KIF19: variants seen among roughly 807,000 people sequenced by gnomAD.
The protein encoded by KIF19 is kinesin-like protein KIF19.
KIF19 carries 98 observed loss-of-function variants against 106.6 expected under a neutral mutation model. The ratio of observed to expected loss-of-function variants is 0.92; its 90% confidence interval spans 0.78 to 1.09. KIF19 has a LOEUF of 1.09. KIF19 is among the 50% of genes least tolerant of loss of function. The pLI, the probability that KIF19 is intolerant of heterozygous loss-of-function variation, is 0.00. For missense variants in KIF19, 1,373 were observed against 1,414.3 expected (o/e 0.97, Z 0.47); for synonymous variants, 516 against 584.2 (o/e 0.88, Z 1.68).
intron 1 of KIF19, 70 bp downstream of exon 1, chr17:74,326,458 G>A (rs1345638960): frequency 1.3e-6 from 2 of 1,484,194 alleles, no homozygotes; most frequent in Non-Finnish European, 1.9e-6. Context: ...CAGCGACAGA[G>A]TCCTGTCCCC....
intron 2 of KIF19, among the ~76,000 whole-genome samples, chr17:74,330,262 G>T (rs1697735021): frequency 6.6e-6 from 1 of 152,198 alleles, no homozygotes; most frequent in East Asian, 1.9e-4. Context: ...CAGCCTGGGG[G>T]GTTGCTTCCA....
chr17:74,345,181 G>A (rs929745582), intron 7 of KIF19, among the ~76,000 whole-genome samples: 1 of 152,100 alleles, frequency 6.6e-6, no homozygotes, highest in African/African-American at 2.4e-5. Context: ...AAGGAAGTGA[G>A]GAACGTTCCA....
intron 16 of KIF19, 33 bp from the exon 17 acceptor site, chr17:74,353,461 G>A (rs2054778950): frequency 6.3e-7 from 1 of 1,598,844 alleles, no homozygotes; most frequent in Admixed American, 1.7e-5. Flanking sequence ...CTGTGTTTAA[G>A]GGTTTCCTCC....
At chr17:74,333,347 A>C (rs2144208570) in intron 2 of KIF19, among the ~76,000 whole-genome samples, 1 of 150,552 alleles carries the variant, frequency 6.6e-6, no homozygotes, top group African/African-American at 2.5e-5. Flanking sequence ...GGAATCATGC[A>C]GTATGTGGTC....
chr17:74,336,549 G>T (rs1385924259), intron 2 of KIF19, among the ~76,000 whole-genome samples: 1 of 152,048 alleles, frequency 6.6e-6, no homozygotes. Context: ...TCCAAATAAG[G>T]TCACATTCTA....
chr17:74,341,963 G>GACTTCA lies in KIF19; in HGVS notation c.208_209insACTTCA (p.Ala70delinsAspPheThr), dbSNP rs772339137. 10 of 1,613,214 alleles carry GACTTCA rather than the reference G, an allele frequency of 6.2e-6. No homozygotes were observed. The highest frequency in any genetic ancestry group is 8.5e-6 in the Non-Finnish European group (10 of 1,179,770). On this transcript the variant is annotated protein_altering_variant, in exon 3 of 20. Transcript: ENST00000389916. ...GGAGAAGTCCTACCTGTTCGACGTGGCCTTTGACTTCACCGCCACCCAGGT... is the reference window on the plus strand; with the variant it reads ...GGAGAAGTCCTACCTGTTCGACGTGGACTTCACCTTTGACTTCACCGCCACCCAGGT...
chr17:74,342,549 T>A, intron 3 of KIF19, 81 bp from the exon 4 acceptor site: 1 of 1,068,404 alleles, frequency 9.4e-7, no homozygotes, highest in East Asian at 2.4e-5. Flanking sequence ...ACCTCTCCTA[T>A]CAGAGGTCAG....
chr17:74,355,575 T>A lies in KIF19; in HGVS notation c.*263T>A. On this transcript the variant is annotated 3_prime_UTR_variant, in exon 20 of 20. Coordinates refer to ENST00000389916, the MANE Select transcript of KIF19 (RefSeq NM_153209.4). The stretch of plus-strand genomic sequence containing the variant: ...TTCCCAGCCCTGGACAGAATGCTGT[T>A]GCCAAAACCTGCACAGCCCTGAGGC... 2.6e-6 allele frequency: 1 copy of A among 379,756 alleles called. No homozygotes were observed. The highest frequency in any genetic ancestry group is 4.6e-6 in the Non-Finnish European group (1 of 215,518). The allele number at this position is 379,756 out of a possible 1,614,324, so 23.5% of individuals were successfully genotyped here.
chr17:74,332,739 T>C (rs1246901869), intron 2 of KIF19, among the ~76,000 whole-genome samples: 1 of 152,072 alleles, frequency 6.6e-6, no homozygotes. Context: ...ACAGCGTGAC[T>C]CCTGGGATGG....
At position 74,328,477 on chromosome 17, in the gene KIF19, C is replaced by T. The variant is rs756106187; in HGVS notation, c.92C>T (p.Thr31Ile). 1.3e-5 allele frequency: 21 copies of T among 1,609,678 alleles called. No homozygotes were observed. The East Asian group carries it at 4.5e-4, about 34-fold the overall frequency. The change falls in exon 2 of 20, where the codon ACC becomes ATC. Residue 31 changes from threonine (T) to isoleucine (I), a missense_variant. Thr to Ile is a moderately conservative substitution (Grantham distance 89, BLOSUM62 -1). Transcript: ENST00000389916. ...GTGGCAGAGCTGGAGGAAGGAGCTA[C>T]CCTCATCGCCCATAAAGTGGATGAG... Reference protein sequence around the residue: ...ISVAELEEGATLIAHKVDEQM... With the variant: ...ISVAELEEGAILIAHKVDEQM...
intron 15 of KIF19, 63 bp from the exon 16 acceptor site, chr17:74,353,133 G>T: frequency 1.4e-6 from 2 of 1,455,434 alleles, no homozygotes; most frequent in Admixed American, 2.0e-5. Context: ...CCCCTGGGGT[G>T]GGGGTGGGAC....
rs1186907696 is a variant in KIF19 at position 74,352,034 on chromosome 17, C to T, written c.1755C>T (p.Leu585=). The T allele has an allele frequency of 6.4e-7, 1 of 1,571,678 alleles. No individual in the cohort carries two copies. The highest frequency in any genetic ancestry group is 1.4e-5 in the African/African-American group (1 of 73,736). Residue 585 remains leucine (L), a synonymous_variant, in exon 13 of 20, where the codon CTC becomes CTT. Coordinates refer to ENST00000389916, the MANE Select transcript of KIF19 (RefSeq NM_153209.4). ...ENTEMQSHAL[L]RDGALRHRHE... is the part of the protein sequence containing the mutation. ...CCGAGATGCAGTCGCACGCGCTGCT[C>T]CGCGACGGTGCGCTCCGCCACCGCC... is the stretch of plus-strand genomic sequence containing the variant.
At chr17:74,355,144 T>C in intron 19 of KIF19, 38 bp from the exon 20 acceptor site, 1 of 1,559,938 alleles carries the variant, frequency 6.4e-7, no homozygotes, top group Non-Finnish European at 8.7e-7. Flanking sequence ...TGGGGAGGCA[T>C]TCCGAAACCA....
Position 74,352,101 on chromosome 17 carries a change from G to A in KIF19, c.1822G>A (p.Asp608Asn), listed in dbSNP as rs184108788. Residue 608 changes from aspartate (D) to asparagine (N), a missense_variant, in exon 13 of 20, where the codon GAC (aspartate) becomes AAC (asparagine). This residue lies in a region of KIF19 where 1,020 missense variants were observed against 1,008.2 expected (regional missense o/e 1.01). Transcript: ENST00000389916. ...RRLEQHRSLC[D>N]EIIQGQRQII... ...CCTGGAGCAGCACCGCAGTCTCTGCGACGAGATTATCCAGGGCCAGCGGCA... is the reference window on the plus strand; with the variant it reads ...CCTGGAGCAGCACCGCAGTCTCTGCAACGAGATTATCCAGGGCCAGCGGCA... 3.1e-6 allele frequency: 5 copies of A among 1,588,040 alleles called. No homozygotes were observed. Among genetic ancestry groups the A allele is most frequent in the African/African-American group, 2.7e-5 (2 of 74,216 alleles).
At position 74,336,598 on chromosome 17, in the gene KIF19, G is replaced by A. The variant is rs148778917; in HGVS notation, c.121-5278G>A. ...TAGGGCTTCACAACATGAAATCTCG[G>A]GGGGACACAGTTCCACCTCTAACAA... is the stretch of plus-strand genomic sequence containing the variant. On this transcript the variant is annotated intron_variant, in intron 2 of 19. Transcript: ENST00000389916. Among the ~76,000 whole-genome samples, 286 of 152,240 alleles carry A rather than the reference G, an allele frequency of 1.9e-3. 2 individuals are homozygous for A. The highest frequency in any genetic ancestry group is 6.5e-3 in the African/African-American group (270 of 41,536).
Position 74,346,052 on chromosome 17 carries a change from G to C in KIF19, c.778-326G>C, listed in dbSNP as rs12051857. 6.6e-6 allele frequency among the ~76,000 whole-genome samples: 1 copy of C among 152,096 alleles called. No homozygotes were observed. The highest frequency in any genetic ancestry group is 6.5e-5 in the Admixed American group (1 of 15,284). The stretch of plus-strand genomic sequence containing the variant: ...CCTCTGGAGCACCAGTGGTCCTGCC[G>C]GCTCCCAGCTGAGCTGCCTGGAAAG... On this transcript the variant is annotated intron_variant, in intron 7 of 19. Coordinates refer to ENST00000389916, the MANE Select transcript of KIF19 (RefSeq NM_153209.4). This position sits in a 1 kb window ranked among gnomAD's most constrained non-coding sequence, Gnocchi z 4.6.
At chr17:74,349,137 C>T (rs960706984) in intron 9 of KIF19, 47 bp from the exon 10 acceptor site, 11 of 1,607,756 alleles carry the variant, frequency 6.8e-6, no homozygotes, top group Middle Eastern at 1.6e-4. Context: ...TCGGTGAGTG[C>T]ACCTGGGGTG....
chr17:74,348,023 C>T (rs777949989), intron 9 of KIF19, 124 bp downstream of exon 9: 69 of 1,176,114 alleles, frequency 5.9e-5, no homozygotes, highest in Non-Finnish European at 8.0e-5. Context: ...GCCTCATTCC[C>T]TAGTTGATCG....
intron 2 of KIF19, among the ~76,000 whole-genome samples, chr17:74,334,760 A>C (rs1166287880): frequency 2.6e-5 from 4 of 152,130 alleles, no homozygotes; most frequent in Non-Finnish European, 5.9e-5. Flanking sequence ...ACAAACAAAC[A>C]GAAACAGAAA....
Sources: allele counts gnomAD v4.1 joint callset (sites outside exome capture counted in the v4.1 genomes callset), GRCh38; gene constraint gnomAD v4.1.1; regional missense constraint gnomAD v4.1.1; non-coding constraint Gnocchi (gnomAD v3.1); transcripts MANE v1.5; gene names NCBI Gene and HGNC (gene_info 2026-07-23, HGNC 2026-07-21).